PTPRG: variants seen among roughly 807,000 people sequenced by gnomAD.
PTPRG encodes protein tyrosine phosphatase receptor type G, also known as receptor-type tyrosine-protein phosphatase gamma.
PTPRG carries 102 observed loss-of-function variants against 165.3 expected under a neutral mutation model. The ratio of observed to expected loss-of-function variants is 0.62; its 90% CI spans 0.53 to 0.73. The LOEUF (loss-of-function observed/expected upper bound fraction) is 0.73. Ranked by LOEUF, PTPRG falls within the 30% of genes least tolerant of loss-of-function variation. The pLI is 0.00. For synonymous variants in PTPRG, 675 were observed against 669.5 expected (o/e 1.01, Z -0.13); for missense variants, 1,866 against 1,861.4 (o/e 1.00, Z -0.05).
At chr3:62,051,934 C>T (rs542406345) in intron 4 of PTPRG, among the ~76,000 whole-genome samples, 29 of 152,246 alleles carry the variant, frequency 1.9e-4, no homozygotes, top group Admixed American at 4.6e-4. Context: ...GTAAGTAAAT[C>T]TGTGTGTTAA....
chr3:62,012,105 G>A lies in PTPRG; in HGVS notation c.519+8608G>A, dbSNP rs145586843. 1.1e-4 allele frequency among the ~76,000 whole-genome samples: 16 copies of A among 152,246 alleles called. No individual in the cohort carries two copies. The East Asian group carries it at 3.1e-3, about 29-fold the overall frequency. Reference sequence around the variant, plus strand: ...TGGTAGTGGTAATAGTGATGATATTGTAGATGCAATTTAATAGACACGACC... The same window carrying A: ...TGGTAGTGGTAATAGTGATGATATTATAGATGCAATTTAATAGACACGACC... On this transcript the variant is annotated intron_variant, in intron 4 of 29. Coordinates refer to ENST00000474889, the MANE Select transcript of PTPRG (RefSeq NM_002841.4).
chr3:62,097,317 C>T (rs901555357), intron 5 of PTPRG, among the ~76,000 whole-genome samples: 1 of 152,122 alleles, frequency 6.6e-6, no homozygotes, highest in Non-Finnish European at 1.5e-5. Context: ...GGATGTTCTG[C>T]CAAAGGCGAT....
rs185565739 is a variant in PTPRG, at chr3:61,616,561, C to A, written c.85+54189C>A. Among the ~76,000 whole-genome samples, 462 of 152,282 alleles carry A rather than the reference C, an allele frequency of 3.0e-3. 2 individuals are homozygous for A. Among genetic ancestry groups the A allele is most frequent in the Non-Finnish European group, 5.3e-3 (358 of 68,018 alleles). ...CTTCCGTGTAGACACTTCTCAACTC[C>A]CTCAAACACCAACCTCCACGCCAAG... On this transcript the variant is annotated intron_variant, in intron 1 of 29. Transcript: ENST00000474889.
At chr3:61,753,934 C>G (rs554945867) in intron 2 of PTPRG, among the ~76,000 whole-genome samples, 2 of 152,210 alleles carry the variant, frequency 1.3e-5, no homozygotes, top group South Asian at 2.1e-4. Context: ...TCTCTCTTGC[C>G]ACTCAAAGAC....
At chr3:61,935,528 A>G (rs2039464181) in intron 2 of PTPRG, among the ~76,000 whole-genome samples, 1 of 152,160 alleles carries the variant, frequency 6.6e-6, no homozygotes, top group African/African-American at 2.4e-5. Flanking sequence ...AAAAAGAAAC[A>G]CTACCTAAAG....
intron 8 of PTPRG, among the ~76,000 whole-genome samples, chr3:62,177,454 C>A (rs973833035): frequency 7.9e-5 from 12 of 152,214 alleles, no homozygotes; most frequent in Non-Finnish European, 1.3e-4. Context: ...ATGCCCAGGA[C>A]AACCTGTTAT....
intron 4 of PTPRG, among the ~76,000 whole-genome samples, chr3:62,061,039 A>G (rs1382813806): frequency 1.3e-5 from 2 of 152,348 alleles, no homozygotes; most frequent in Non-Finnish European, 2.9e-5. Context: ...GCTATTATAA[A>G]TAATGCTTCT....
intron 2 of PTPRG, among the ~76,000 whole-genome samples, chr3:61,817,148 TATATATAATATATA>T (rs61148136): frequency 1.7e-5 from 2 of 118,492 alleles, no homozygotes; most frequent in African/African-American, 7.0e-5. Flanking sequence ...ATATATTACA[TATATATAATATATA>T]ATATATAATA....
At chr3:61,767,774 G>C (rs961069792) in intron 2 of PTPRG, among the ~76,000 whole-genome samples, 2 of 151,816 alleles carry the variant, frequency 1.3e-5, no homozygotes, top group African/African-American at 4.8e-5. Flanking sequence ...TTCAAGACCA[G>C]CCTAAGCAAC....
rs2106886343 is a variant in PTPRG at position 61,742,541 on chromosome 3, A to G, written c.86-6337A>G. The stretch of plus-strand genomic sequence containing the variant: ...CAGTTTTTCTTGAGCAATGACACCA[A>G]GAAGTTGACAGCCAGGTGAATGTTA... On this transcript the variant is annotated intron_variant, in intron 1 of 29. Transcript: ENST00000474889. 3 of 1,596,128 alleles carry G rather than the reference A, an allele frequency of 1.9e-6. No homozygotes were observed. The East Asian group carries it at 6.7e-5, about 36-fold the overall frequency.
intron 1 of PTPRG, among the ~76,000 whole-genome samples, chr3:61,661,064 A>T (rs1436087168): frequency 6.6e-6 from 1 of 151,754 alleles, no homozygotes; most frequent in Non-Finnish European, 1.5e-5. Flanking sequence ...TTCCCCCCCT[A>T]ATTAAAAATT....
chr3:62,097,059 G>C (rs1702142523), intron 5 of PTPRG, among the ~76,000 whole-genome samples: 1 of 151,770 alleles, frequency 6.6e-6, no homozygotes, highest in South Asian at 2.1e-4. Context: ...GCAACCCACT[G>C]TCAGAAACAC....
At chr3:62,137,329 A>AT (rs199555641) in intron 6 of PTPRG, among the ~76,000 whole-genome samples, 14 of 152,248 alleles carry the variant, frequency 9.2e-5, no homozygotes, top group African/African-American at 2.9e-4. Flanking sequence ...TTTAAAATCC[A>AT]TTTTTTAAAA....
intron 2 of PTPRG, among the ~76,000 whole-genome samples, chr3:61,768,030 G>C (rs912044622): frequency 6.7e-6 from 1 of 150,244 alleles, no homozygotes; most frequent in African/African-American, 2.5e-5. Flanking sequence ...CTACGGAACA[G>C]AATAGATTTA....
At chr3:62,085,683 A>AGG (rs1701729683) in intron 5 of PTPRG, among the ~76,000 whole-genome samples, 1 of 151,854 alleles carries the variant, frequency 6.6e-6, no homozygotes, top group South Asian at 2.1e-4. Flanking sequence ...TATTCTTTAC[A>AGG]TGTCTATGTT....
intron 14 of PTPRG, among the ~76,000 whole-genome samples, chr3:62,241,712 A>G (rs1304800611): frequency 6.6e-6 from 1 of 152,108 alleles, no homozygotes; most frequent in African/African-American, 2.4e-5. Context: ...GCCAATAACA[A>G]TTGTATTTAC....
intron 5 of PTPRG, among the ~76,000 whole-genome samples, chr3:62,130,491 G>C (rs1201736128): frequency 6.6e-6 from 1 of 152,160 alleles, no homozygotes; most frequent in South Asian, 2.1e-4. Context: ...GGAATTTGTG[G>C]CCATTTTGTC....
intron 17 of PTPRG, chr3:62,263,921 G>A (rs914975159): frequency 3.3e-5 from 5 of 152,278 alleles, no homozygotes; most frequent in Admixed American, 3.3e-4. Context: ...GCTGAGGCGG[G>A]CGGATCACGA....
chr3:61,964,508 A>G (rs1036488265), intron 2 of PTPRG, among the ~76,000 whole-genome samples: 20 of 152,156 alleles, frequency 1.3e-4, no homozygotes, highest in African/African-American at 4.8e-4. Flanking sequence ...GCAAAATGTT[A>G]GTTTGAGATC....
Sources: allele counts gnomAD v4.1 joint callset (sites outside exome capture counted in the v4.1 genomes callset), GRCh38; gene constraint gnomAD v4.1.1; transcripts MANE v1.5; gene names NCBI Gene and HGNC (gene_info 2026-07-23, HGNC 2026-07-21).